MAMDC2: variants seen among roughly 807,000 people sequenced by gnomAD.
MAMDC2 encodes the protein MAM domain-containing protein 2.
A neutral mutation model predicts 89.8 loss-of-function variants in MAMDC2; 57 were observed. The ratio of observed to expected loss-of-function variants is 0.63; its 90% confidence interval spans 0.51 to 0.79. The LOEUF is 0.79. MAMDC2 is among the 30% of genes least tolerant of loss of function. The pLI, the probability that MAMDC2 is intolerant of heterozygous loss-of-function variation, is 0.00. For synonymous variants in MAMDC2, 313 were observed against 293.4 expected (o/e 1.07, Z -0.68); for missense variants, 800 against 820.6 (o/e 0.97, Z 0.31).
intron 2 of MAMDC2, among the ~76,000 whole-genome samples, chr9:70,097,568 T>G (rs1025155149): frequency 6.6e-5 from 10 of 152,224 alleles, no homozygotes; most frequent in Admixed American, 2.6e-4. Context: ...ATTTCCCCAG[T>G]GCAAGAGCCT....
intron 7 of MAMDC2, among the ~76,000 whole-genome samples, 172 bp downstream of exon 7, chr9:70,131,784 C>G (rs999734914): frequency 6.6e-6 from 1 of 152,184 alleles, no homozygotes; most frequent in African/African-American, 2.4e-5. Flanking sequence ...CTTTTCCTCC[C>G]TCACAGAGGG....
At chr9:70,080,607 T>G (rs1026975136) in intron 2 of MAMDC2, among the ~76,000 whole-genome samples, 7 of 152,218 alleles carry the variant, frequency 4.6e-5, no homozygotes, top group Admixed American at 2.6e-4. Flanking sequence ...GGGCAGTTGG[T>G]TGGGCCGTGT....
chr9:70,155,504 C>A (rs1447982697), intron 9 of MAMDC2, among the ~76,000 whole-genome samples: 1 of 152,188 alleles, frequency 6.6e-6, no homozygotes, highest in Non-Finnish European at 1.5e-5. Context: ...GAACTTATTT[C>A]ATAAATTATT....
Position 70,167,045 on chromosome 9 carries a change from C to A in MAMDC2, c.1405-1657C>A, listed in dbSNP as rs576936411. ...TTGCTTTACAAACAGGGAATAAGTT[C>A]CCAGTAGTAAACTCTGCAAGTAAAA... On this transcript the variant is annotated intron_variant, in intron 9 of 13. Transcript: ENST00000377182. Among the ~76,000 whole-genome samples the A allele has an allele frequency of 4.6e-5, 7 of 152,164 alleles. No individual in the cohort carries two copies. In the South Asian group the frequency reaches 1.5e-3, roughly 32 times the overall value.
intron 5 of MAMDC2, among the ~76,000 whole-genome samples, chr9:70,116,803 G>A (rs993272231): frequency 6.6e-6 from 1 of 152,088 alleles, no homozygotes. Flanking sequence ...GCATAGTGGT[G>A]TGGTCATCCT....
intron 12 of MAMDC2, among the ~76,000 whole-genome samples, chr9:70,220,195 C>T (rs1367500070): frequency 2.0e-5 from 3 of 152,186 alleles, no homozygotes; most frequent in Non-Finnish European, 4.4e-5. Context: ...GTTCTGGGGA[C>T]AGGTAACTTA....
intron 11 of MAMDC2, among the ~76,000 whole-genome samples, chr9:70,204,453 C>G (rs1260875149): frequency 1.3e-5 from 2 of 150,360 alleles, no homozygotes; most frequent in Non-Finnish European, 3.0e-5. Flanking sequence ...CCACTGCTCT[C>G]TTCAAAGCTG....
chr9:70,203,608 G>T (rs1439288815), intron 11 of MAMDC2, among the ~76,000 whole-genome samples: 1 of 69,100 alleles, frequency 1.4e-5, no homozygotes, highest in Non-Finnish European at 3.3e-5. Context: ...GGCCTGCCTT[G>T]CTAGATTGGG....
At chr9:70,223,322 TTAAAA>T (rs2033599145) in intron 12 of MAMDC2, among the ~76,000 whole-genome samples, 6 of 152,210 alleles carry the variant, frequency 3.9e-5, no homozygotes, top group Admixed American at 3.3e-4. Flanking sequence ...GAAAAAATAC[TTAAAA>T]TAAAAATTAA....
At chr9:70,152,576 T>G (rs973990724) in intron 9 of MAMDC2, among the ~76,000 whole-genome samples, 1 of 152,060 alleles carries the variant, frequency 6.6e-6, no homozygotes, top group Non-Finnish European at 1.5e-5. Context: ...CTAAGCCTAG[T>G]GTAAAAAGCC....
chr9:70,197,934 T>C (rs893282404), intron 11 of MAMDC2, among the ~76,000 whole-genome samples: 3 of 152,022 alleles, frequency 2.0e-5, no homozygotes, highest in African/African-American at 4.8e-5. Context: ...CTTTATCTCA[T>C]CACGAATGCA....
chr9:70,137,444 G>A (rs916248447), intron 7 of MAMDC2, among the ~76,000 whole-genome samples: 5 of 151,864 alleles, frequency 3.3e-5, no homozygotes, highest in Admixed American at 1.3e-4. Context: ...ACTTACTTTC[G>A]GTCCATACAC....
chr9:70,189,781 CT>C (rs1448503060), intron 11 of MAMDC2, among the ~76,000 whole-genome samples: 3 of 151,588 alleles, frequency 2.0e-5, no homozygotes, highest in Non-Finnish European at 1.5e-5. Flanking sequence ...TTTCTTTTAT[CT>C]TTTTTTTCTT....
intron 2 of MAMDC2, among the ~76,000 whole-genome samples, chr9:70,052,420 C>T (rs1016873937): frequency 5.3e-5 from 8 of 152,202 alleles, no homozygotes; most frequent in South Asian, 2.1e-4. Context: ...TATAATGCTG[C>T]TTTTCTATTC....
At chr9:70,112,899 G>C in intron 4 of MAMDC2, 96 bp from the exon 5 acceptor site, 2 of 1,497,614 alleles carry the variant, frequency 1.3e-6, no homozygotes, top group Non-Finnish European at 1.8e-6. Context: ...AAGGAAGAGA[G>C]AAACTTCTGA....
At chr9:70,152,199 C>T (rs968772808) in intron 9 of MAMDC2, among the ~76,000 whole-genome samples, 1 of 152,196 alleles carries the variant, frequency 6.6e-6, no homozygotes, top group Admixed American at 6.5e-5. Flanking sequence ...GTTTTAAGGA[C>T]AATGGGCTGC....
chr9:70,061,745 G>C (rs1208128240), intron 2 of MAMDC2, among the ~76,000 whole-genome samples: 1 of 152,200 alleles, frequency 6.6e-6, no homozygotes, highest in African/African-American at 2.4e-5. Flanking sequence ...GATGGCTTCT[G>C]ATCCTGCAGT....
rs542543546 is a variant in MAMDC2, at chr9:70,069,609, G to C, written c.148+24912G>C. 3.3e-5 allele frequency among the ~76,000 whole-genome samples: 5 copies of C among 152,284 alleles called. No individual in the cohort carries two copies. In the South Asian group the frequency reaches 1.0e-3, roughly 32 times the overall value. On this transcript the variant is annotated intron_variant, in intron 2 of 13. Coordinates refer to ENST00000377182, the MANE Select transcript of MAMDC2 (RefSeq NM_153267.5). ...ACTTTGTTCCTTAATGGCTAGTAGA[G>C]GCTAAAAATAGTCCAAAGTTTGTTT...
chr9:70,197,169 T>C (rs1445419962), intron 11 of MAMDC2, among the ~76,000 whole-genome samples: 1 of 152,138 alleles, frequency 6.6e-6, no homozygotes, highest in African/African-American at 2.4e-5. Flanking sequence ...GCAATTGATG[T>C]AGACCCTAAT....
Sources: allele counts gnomAD v4.1 joint callset (sites outside exome capture counted in the v4.1 genomes callset), GRCh38; gene constraint gnomAD v4.1.1; transcripts MANE v1.5; gene names NCBI Gene and HGNC (gene_info 2026-07-23, HGNC 2026-07-21).